The following ARPP21 variants were observed in gnomAD, a reference collection of about 807,000 sequenced individuals.
ARPP21 encodes the protein cAMP-regulated phosphoprotein 21.
A neutral mutation model predicts 113.2 loss-of-function variants in ARPP21; 69 were observed. The ratio of observed to expected loss-of-function variants is 0.61; its 90% CI spans 0.50 to 0.74. The LOEUF (loss-of-function observed/expected upper bound fraction) is 0.74. Ranked by LOEUF, ARPP21 falls within the 30% of genes least tolerant of loss-of-function variation. The pLI is 0.00. For missense variants in ARPP21, 1,070 were observed against 1,037.4 expected, an observed-to-expected ratio of 1.03 and a Z score of -0.43; for synonymous variants, 368 against 375.5, an observed-to-expected ratio of 0.98 and a Z score of 0.23.
At chr3:35,721,191 C>G (rs974679841) in intron 13 of ARPP21, among the ~76,000 whole-genome samples, 5 of 152,184 alleles carry the variant, frequency 3.3e-5, no homozygotes, top group Non-Finnish European at 4.4e-5. Context: ...AAAAAGTCTT[C>G]TTTGGTGGGA....
At chr3:35,715,636 TCTACAA>T in intron 12 of ARPP21, 160 bp downstream of exon 12, 1 of 476,280 alleles carries the variant, frequency 2.1e-6, no homozygotes, top group African/African-American at 2.0e-5. Flanking sequence ...ATTTAACACA[TCTACAA>T]ATGATCTAAT....
chr3:35,658,552 A>G (rs569460488), intron 1 of ARPP21, among the ~76,000 whole-genome samples: 1 of 152,092 alleles, frequency 6.6e-6, no homozygotes, highest in Non-Finnish European at 1.5e-5. Flanking sequence ...TAAAAATGAT[A>G]TGCAATATCA....
intron 1 of ARPP21, among the ~76,000 whole-genome samples, chr3:35,659,919 TA>T (rs1271278955): frequency 2.6e-5 from 4 of 152,164 alleles, no homozygotes; most frequent in Admixed American, 6.5e-5. Flanking sequence ...CCTGGGTGTG[TA>T]AAGAGTCACA....
chr3:35,645,956 G>A (rs1700057171), intron 1 of ARPP21, among the ~76,000 whole-genome samples: 1 of 151,928 alleles, frequency 6.6e-6, no homozygotes, highest in African/African-American at 2.4e-5. Flanking sequence ...CATCTTTAAA[G>A]AACAAAATTG....
At chr3:35,755,662 A>G (rs555790471) in intron 19 of ARPP21, among the ~76,000 whole-genome samples, 2 of 152,182 alleles carry the variant, frequency 1.3e-5, no homozygotes, top group South Asian at 4.1e-4. Context: ...TTTCTTGTTC[A>G]CCGTGGTATC....
At chr3:35,771,476 C>G (rs1014397855) in intron 19 of ARPP21, among the ~76,000 whole-genome samples, 1 of 151,908 alleles carries the variant, frequency 6.6e-6, no homozygotes, top group South Asian at 2.1e-4. Flanking sequence ...CTACAGGCGC[C>G]CATCATCATG....
chr3:35,663,186 C>A (rs967355889), intron 1 of ARPP21, among the ~76,000 whole-genome samples: 8 of 152,000 alleles, frequency 5.3e-5, no homozygotes, highest in African/African-American at 1.9e-4. Context: ...CTAGAGCAGA[C>A]GTATCTAAAT....
chr3:35,714,522 C>T (rs536703695), intron 11 of ARPP21, among the ~76,000 whole-genome samples: 3 of 152,262 alleles, frequency 2.0e-5, no homozygotes, highest in East Asian at 1.9e-4. Context: ...GGAAAATCTA[C>T]GTATATAGCA....
intron 13 of ARPP21, among the ~76,000 whole-genome samples, chr3:35,720,911 G>A (rs1227286558): frequency 6.6e-6 from 1 of 152,120 alleles, no homozygotes; most frequent in African/African-American, 2.4e-5. Context: ...AAAGTTTTGT[G>A]TCAGTGTATA....
At chr3:35,656,503 C>T (rs1399640317) in intron 1 of ARPP21, among the ~76,000 whole-genome samples, 4 of 151,930 alleles carry the variant, frequency 2.6e-5, no homozygotes, top group African/African-American at 9.7e-5. Context: ...AATTACTAAT[C>T]GACACAATAG....
chr3:35,703,489 A>G (rs1372252949), intron 9 of ARPP21, among the ~76,000 whole-genome samples: 3 of 152,020 alleles, frequency 2.0e-5, no homozygotes, highest in African/African-American at 7.2e-5. Context: ...GTTTCACAGT[A>G]GTTATGTGCT....
At chr3:35,651,329 C>A (rs1162650469) in intron 1 of ARPP21, among the ~76,000 whole-genome samples, 1 of 151,980 alleles carries the variant, frequency 6.6e-6, no homozygotes, top group South Asian at 2.1e-4. Flanking sequence ...TGAGAAAGAA[C>A]CTACTTTTTG....
intron 19 of ARPP21, among the ~76,000 whole-genome samples, chr3:35,769,953 G>A (rs190203958): frequency 4.3e-4 from 65 of 152,284 alleles, no homozygotes; most frequent in Non-Finnish European, 8.4e-4. Context: ...TCTTGTGGGA[G>A]TGTGGGAGTA....
chr3:35,684,601 A>G, intron 5 of ARPP21: 1 of 985,486 alleles, frequency 1.0e-6, no homozygotes, highest in Non-Finnish European at 1.2e-6. Flanking sequence ...AGTCAAGACA[A>G]AAGTAAAATG....
intron 19 of ARPP21, among the ~76,000 whole-genome samples, chr3:35,756,038 C>T (rs1484722380): frequency 2.0e-5 from 3 of 152,034 alleles, no homozygotes; most frequent in South Asian, 2.1e-4. Context: ...GGGACACAAA[C>T]GCAAATTCAG....
At chr3:35,693,823 AGAATCCCAT>A (rs2149697377) in intron 9 of ARPP21, among the ~76,000 whole-genome samples, 1 of 151,756 alleles carries the variant, frequency 6.6e-6, no homozygotes, top group South Asian at 2.1e-4. Flanking sequence ...TACTGAGATG[AGAATCCCAT>A]GTGAGTTTTG....
chr3:35,690,880 G>T lies in ARPP21; in HGVS notation c.561G>T (p.Lys187Asn), dbSNP rs534403648. Reference protein sequence around the residue: ...FIADNNNHYKKFPQMSSYQRM... With the variant: ...FIADNNNHYKNFPQMSSYQRM... ...TATGTTCTAGTAATCATTATAAAAAGTTCCCTCAGATGTCATCGTATCAGA... is the reference window on the plus strand; with the variant it reads ...TATGTTCTAGTAATCATTATAAAAATTTCCCTCAGATGTCATCGTATCAGA... Residue 187 changes from lysine to asparagine, a missense_variant, in exon 9 of 21, where the codon AAG becomes AAT. By Grantham distance (94) the Lys-to-Asn change is moderately conservative. Coordinates refer to ENST00000684406, the MANE Select transcript of ARPP21 (RefSeq NM_001385562.1). The T allele has an allele frequency of 2.1e-5, 34 of 1,605,798 alleles. No individual in the cohort carries two copies. The highest frequency in any genetic ancestry group is 4.0e-5 in the African/African-American group (3 of 74,378).
At chr3:35,721,956 C>A in intron 14 of ARPP21, 122 bp downstream of exon 14, 1 of 655,394 alleles carries the variant, frequency 1.5e-6, no homozygotes, top group Non-Finnish European at 2.6e-6. Context: ...ACAGGGATAG[C>A]TGGAAATCAG....
At chr3:35,742,905 G>T (rs1332499998) in intron 18 of ARPP21, among the ~76,000 whole-genome samples, 1 of 152,186 alleles carries the variant, frequency 6.6e-6, no homozygotes, top group Non-Finnish European at 1.5e-5. Context: ...CAGTAAGAAA[G>T]TGACCTTAAT....
Sources: gnomAD v4.1 joint callset for allele counts (sites outside exome capture counted in the v4.1 genomes callset) on GRCh38, gnomAD v4.1.1 for gene constraint, MANE v1.5 for transcripts, NCBI Gene and HGNC (gene_info 2026-07-23, HGNC 2026-07-21) for gene names.